MRPL9: variants seen among roughly 807,000 people sequenced by gnomAD.
MRPL9 encodes the protein mitochondrial ribosomal protein L9.
MRPL9 carries 25 observed loss-of-function variants against 27.6 expected under a neutral mutation model. The observed-to-expected ratio is 0.91, with a 90% CI of 0.66 to 1.27. MRPL9 has a LOEUF of 1.27. Ranked by LOEUF, MRPL9 falls within the 50% of genes most tolerant of loss-of-function variation. The pLI, the probability that MRPL9 is intolerant of heterozygous loss-of-function variation, is 0.00. For synonymous variants in MRPL9, 154 were observed against 139.0 expected, an observed-to-expected ratio of 1.11 and a Z score of -0.76; for missense variants, 362 against 338.0, an observed-to-expected ratio of 1.07 and a Z score of -0.56.
chr1:151,760,672 G>C, intron 6 of MRPL9, 144 bp downstream of exon 6: 2 of 653,838 alleles, frequency 3.1e-6, no homozygotes, highest in Non-Finnish European at 2.5e-6. Flanking sequence ...TTGGGAGGCT[G>C]AGGTGGGAGG....
Position 151,762,389 on chromosome 1 carries a change from T to TCAAA in MRPL9, c.418_421dup (p.Glu141ValfsTer2). ...CTTTGAGCTCACCAATTTCTCCTCT[T>TCAAA]CAAACAGCTTCTTGTTTTCAGGGGA... On this transcript the variant is annotated stop_gained and frameshift_variant, in exon 3 of 7. Transcript: ENST00000368830. LOFTEE classifies it high-confidence loss of function. The TCAAA allele has an allele frequency of 6.2e-7, 1 of 1,614,174 alleles. No individual in the cohort carries two copies. The highest frequency in any genetic ancestry group is 8.5e-7 in the Non-Finnish European group (1 of 1,180,020).
In MRPL9 at chr1:151,761,450, C is replaced by T. The variant is rs1456900653; in HGVS notation, c.588+1G>A. On this transcript the variant is annotated splice_donor_variant, in intron 5 of 6. Coordinates refer to ENST00000368830, the MANE Select transcript of MRPL9 (RefSeq NM_031420.4). LOFTEE classifies it high-confidence loss of function. Reference sequence around the variant, plus strand: ...AGTGGTTTTTGGGAACACTCACTCACATTCTTAAAGAAGTGGCGGGCAACT... The same window carrying T: ...AGTGGTTTTTGGGAACACTCACTCATATTCTTAAAGAAGTGGCGGGCAACT... The T allele has an allele frequency of 6.2e-7, 1 of 1,611,480 alleles. No homozygotes were observed. Among genetic ancestry groups the T allele is most frequent in the Non-Finnish European group, 8.5e-7 (1 of 1,177,734 alleles).
In MRPL9 at chr1:151,763,461, T is replaced by G. The variant is rs768160583; in HGVS notation, c.19A>C (p.Thr7Pro). 2.5e-6 allele frequency: 4 copies of G among 1,574,892 alleles called. No homozygotes were observed. In the Admixed American group the frequency reaches 7.4e-5, roughly 29 times the overall value. Residue 7 changes from threonine (T) to proline (P), a missense_variant, in exon 1 of 7, where the codon ACG becomes CCG. Transcript: ENST00000368830. ...CGCAGCAGAGCTCTGCCCGGGGCCGTGACAACGGGCGCCGCCATGTTCACA... is the reference window on the plus strand; with the variant it reads ...CGCAGCAGAGCTCTGCCCGGGGCCGGGACAACGGGCGCCGCCATGTTCACA... MAAPVV[T>P]APGRALLRAG...
In MRPL9 at chr1:151,760,128, CT is replaced by C. The variant is rs771791952; in HGVS notation, c.725del (p.Lys242SerfsTer11). 6.2e-7 allele frequency: 1 copy of C among 1,614,148 alleles called. No individual in the cohort carries two copies. The highest frequency in any genetic ancestry group is 8.5e-7 in the Non-Finnish European group (1 of 1,180,018). ...RVPMSVVNFE[K>X]PKTKRYKYWL... is the part of the protein sequence containing the mutation. ...AGTACTTATATCTTTTGGTCTTGGG[CT>C]TCTCAAAGTTCACGACAGACATAGG... On this transcript the variant is annotated frameshift_variant, in exon 7 of 7. Transcript: ENST00000368830. LOFTEE classifies it low-confidence loss of function (END_TRUNC).
chr1:151,760,777 G>A (rs1648025546), intron 6 of MRPL9, 39 bp downstream of exon 6: 1 of 1,513,124 alleles, frequency 6.6e-7, no homozygotes, highest in African/African-American at 1.4e-5. Flanking sequence ...GGGGGAAAAG[G>A]AGAAAGAAAA....
chr1:151,763,275 C>T (rs1280879227), intron 1 of MRPL9, 52 bp downstream of exon 1: 2 of 1,556,150 alleles, frequency 1.3e-6, no homozygotes, highest in African/African-American at 2.7e-5. Context: ...CAGTGCGCCT[C>T]CAGAAACAAT....
At chr1:151,762,222 C>A in intron 3 of MRPL9, 67 bp from the exon 4 acceptor site, 1 of 1,579,382 alleles carries the variant, frequency 6.3e-7, no homozygotes, top group South Asian at 1.1e-5. Context: ...TAGCATCAAA[C>A]TATTCCTATG....
rs1326704589 is a variant in MRPL9 at position 151,763,098 on chromosome 1, C to T, written c.202G>A (p.Gly68Ser). ...CGCCGGTGCAGGCGCGGCTTCCGGC[C>T]CTCCCCGGCCAGCGGTACCTTCCAC... ...RWWKVPLAGE[G>S]RKPRLHRRHR... The change falls in exon 2 of 7, where the codon GGC becomes AGC. Residue 68 changes from glycine to serine, a missense_variant. Gly to Ser is a moderately conservative substitution (Grantham distance 56, BLOSUM62 0). Coordinates refer to ENST00000368830, the MANE Select transcript of MRPL9 (RefSeq NM_031420.4). 1.9e-6 allele frequency: 3 copies of T among 1,614,062 alleles called. No homozygotes were observed. Among genetic ancestry groups the T allele is most frequent in the Non-Finnish European group, 2.5e-6 (3 of 1,179,984 alleles).
At chr1:151,761,818 C>CCAA in intron 4 of MRPL9, 2 of 585,586 alleles carry the variant, frequency 3.4e-6, no homozygotes, top group Non-Finnish European at 6.1e-6. Flanking sequence ...CATGTTCTCT[C>CCAA]CAACTTGTAC....
intron 5 of MRPL9, among the ~76,000 whole-genome samples, chr1:151,761,143 G>C (rs1648057849): frequency 6.6e-6 from 1 of 152,202 alleles, no homozygotes; most frequent in African/African-American, 2.4e-5. Context: ...AACAGGGCTT[G>C]AGGCCAAAAC....
intron 6 of MRPL9, 62 bp downstream of exon 6, chr1:151,760,745 GAAAGGAAAA>G (rs1446938232): frequency 1.3e-5 from 18 of 1,369,546 alleles, no homozygotes; most frequent in Admixed American, 1.2e-4. Context: ...GTCTTTAAGA[GAAAGGAAAA>G]AAAGGAAAAA....
At chr1:151,762,653 A>G (rs1475384230) in intron 2 of MRPL9, 153 bp from the exon 3 acceptor site, 1 of 771,310 alleles carries the variant, frequency 1.3e-6, no homozygotes, top group Non-Finnish European at 2.0e-6. Context: ...GATTTAAGAG[A>G]CTGCTAATTA....
Position 151,761,489 on chromosome 1 carries a change from G to C in MRPL9, c.550C>G (p.Leu184Val), listed in dbSNP as rs776190559. 1.2e-6 allele frequency: 2 copies of C among 1,613,956 alleles called. No individual in the cohort carries two copies. The highest frequency in any genetic ancestry group is 2.2e-5 in the South Asian group (2 of 91,074). Residue 184 changes from leucine to valine, a missense_variant, in exon 5 of 7, where the codon CTG (leucine) becomes GTG (valine). Physicochemically the swap from Leu to Val is conservative, Grantham distance 32. Transcript: ENST00000368830. ...VGMKNNVKWE[L>V]NPEIVARHFF... The stretch of plus-strand genomic sequence containing the variant: ...TGGCGGGCAACTATTTCAGGGTTCA[G>C]CTCCCATTTGACATTGTTCTTCATC...
intron 5 of MRPL9, 30 bp downstream of exon 5, chr1:151,761,421 G>T (rs749078306): frequency 6.6e-7 from 1 of 1,504,488 alleles, no homozygotes; most frequent in South Asian, 1.1e-5. Flanking sequence ...CACCTCAGGG[G>T]TAGAGTGGTT....
intron 4 of MRPL9, 102 bp from the exon 5 acceptor site, chr1:151,761,654 TGGGA>T: frequency 1.2e-6 from 1 of 867,928 alleles, no homozygotes; most frequent in Non-Finnish European, 1.8e-6. Context: ...CCCAGCACTT[TGGGA>T]GGCCAAGGTG....
Position 151,761,414 on chromosome 1 carries a change from C to T in MRPL9, c.588+37G>A, listed in dbSNP as rs781625750. 23 of 1,480,768 alleles carry T rather than the reference C, an allele frequency of 1.6e-5. 1 individual carries two copies. In the Admixed American group the frequency reaches 3.8e-4, roughly 25 times the overall value. The allele number at this position is 1,480,768 out of a possible 1,614,324, so 91.7% of individuals were successfully genotyped here. The stretch of plus-strand genomic sequence containing the variant: ...CCTCCTTTCCAGAGGCAGCTTCCAC[C>T]TCAGGGGTAGAGTGGTTTTTGGGAA... On this transcript the variant is annotated intron_variant, in intron 5 of 6. Transcript: ENST00000368830.
rs749943807 is a variant in MRPL9 at position 151,760,040 on chromosome 1, G to A, written c.*10C>T. 8 of 1,612,908 alleles carry A rather than the reference G, an allele frequency of 5.0e-6. No homozygotes were observed. Among genetic ancestry groups the A allele is most frequent in the Non-Finnish European group, 4.2e-6 (5 of 1,179,212 alleles). ...CGATTCTGCTTTGCTGCCTTGGAGG[G>A]AGAGTAGATTTAGATCTGGGGGCTG... On this transcript the variant is annotated 3_prime_UTR_variant, in exon 7 of 7. Transcript: ENST00000368830.
chr1:151,762,333 A>C, intron 3 of MRPL9, 43 bp downstream of exon 3: 2 of 1,610,634 alleles, frequency 1.2e-6, no homozygotes, highest in Non-Finnish European at 1.7e-6. Context: ...AGAGAAAAGA[A>C]GTTTTATCTC....
At chr1:151,762,843 T>C (rs1241535059) in intron 2 of MRPL9, 147 bp downstream of exon 2, 8 of 1,001,146 alleles carry the variant, frequency 8.0e-6, no homozygotes, top group African/African-American at 1.6e-5. Flanking sequence ...ACAATCACAA[T>C]AGTTTTTATG....
Sources: gnomAD v4.1 joint callset for allele counts (sites outside exome capture counted in the v4.1 genomes callset) on GRCh38, gnomAD v4.1.1 for gene constraint, MANE v1.5 for transcripts, NCBI Gene and HGNC (gene_info 2026-07-23, HGNC 2026-07-21) for gene names.